ASIC2: variants seen among roughly 807,000 people sequenced by gnomAD.
ASIC2 encodes acid sensing ion channel subunit 2, also known as acid-sensing ion channel 2.
A neutral mutation model predicts 57.3 loss-of-function variants in ASIC2; 25 were observed. The ratio of observed to expected loss-of-function variants is 0.44; its 90% CI spans 0.32 to 0.61. The LOEUF (loss-of-function observed/expected upper bound fraction) is 0.61. ASIC2 is among the 20% of genes least tolerant of loss of function. ASIC2 has a pLI of 0.06. For missense variants in ASIC2, 641 were observed against 738.1 expected (o/e 0.87, Z 1.52); for synonymous variants, 319 against 307.5 (o/e 1.04, Z -0.39).
chr17:33,485,745 A>T (rs1407341517), intron 1 of ASIC2, among the ~76,000 whole-genome samples: 1 of 152,180 alleles, frequency 6.6e-6, no homozygotes, highest in African/African-American at 2.4e-5. Flanking sequence ...AGTACAAGAG[A>T]ACTCAGGAAC....
chr17:33,908,270 CA>C (rs1446322691), intron 1 of ASIC2, among the ~76,000 whole-genome samples: 1 of 152,212 alleles, frequency 6.6e-6, no homozygotes, highest in African/African-American at 2.4e-5. Context: ...AAAGCTGGAA[CA>C]ACCAGTTTCT....
intron 1 of ASIC2, among the ~76,000 whole-genome samples, chr17:33,800,481 T>A (rs1597881532): frequency 1.3e-5 from 2 of 152,194 alleles, no homozygotes; most frequent in Admixed American, 1.3e-4. Context: ...ACAGAAGAGA[T>A]GAGAAATAAC....
chr17:33,254,471 A>T (rs1047588892), intron 1 of ASIC2, among the ~76,000 whole-genome samples: 76 of 151,950 alleles, frequency 5.0e-4, no homozygotes, highest in Non-Finnish European at 1.0e-3. Flanking sequence ...GCTACCCCAA[A>T]CCAATAGGCT....
intron 1 of ASIC2, among the ~76,000 whole-genome samples, chr17:33,118,673 G>A (rs926521902): frequency 3.9e-5 from 6 of 152,130 alleles, no homozygotes; most frequent in African/African-American, 1.2e-4. Context: ...TTCTTATTTT[G>A]CACCTGGGGA....
intron 9 of ASIC2, among the ~76,000 whole-genome samples, chr17:33,015,271 C>T (rs1294383849): frequency 6.6e-6 from 1 of 152,180 alleles, no homozygotes; most frequent in African/African-American, 2.4e-5. Context: ...GCTGGCGACA[C>T]CTGCACCCAT....
At chr17:33,616,417 CT>C (rs1414414831) in intron 1 of ASIC2, among the ~76,000 whole-genome samples, 1 of 152,210 alleles carries the variant, frequency 6.6e-6, no homozygotes, top group Non-Finnish European at 1.5e-5. Context: ...TGTGGCATAG[CT>C]TGGTGTTTCC....
chr17:34,149,894 A>T (rs549997955), intron 1 of ASIC2, among the ~76,000 whole-genome samples: 1 of 152,202 alleles, frequency 6.6e-6, no homozygotes, highest in African/African-American at 2.4e-5. Context: ...CTGGGTATAT[A>T]TCCAAAGGAA....
intron 1 of ASIC2, among the ~76,000 whole-genome samples, chr17:33,159,416 C>T (rs989722894): frequency 2.6e-5 from 4 of 152,028 alleles, no homozygotes; most frequent in African/African-American, 7.2e-5. Flanking sequence ...TCTGGTGAAG[C>T]GGGCTGTGGT....
intron 1 of ASIC2, among the ~76,000 whole-genome samples, chr17:33,534,896 G>T (rs1915175642): frequency 6.6e-6 from 1 of 152,262 alleles, no homozygotes; most frequent in South Asian, 2.1e-4. Flanking sequence ...AAATCAGGAG[G>T]TTGGAATGGA....
chr17:33,356,779 C>G (rs987778178), intron 1 of ASIC2, among the ~76,000 whole-genome samples: 3 of 152,068 alleles, frequency 2.0e-5, no homozygotes, highest in Non-Finnish European at 2.9e-5. Flanking sequence ...GGAAAATGAG[C>G]TATTATTCTT....
At chr17:33,894,387 A>C (rs1473341280) in intron 1 of ASIC2, among the ~76,000 whole-genome samples, 1 of 148,240 alleles carries the variant, frequency 6.7e-6, no homozygotes, top group Non-Finnish European at 1.5e-5. Flanking sequence ...GTGTGTGTTC[A>C]TGTGCTCTCT....
intron 3 of ASIC2, among the ~76,000 whole-genome samples, chr17:33,057,440 G>A (rs1174518302): frequency 6.6e-6 from 1 of 152,238 alleles, no homozygotes; most frequent in Non-Finnish European, 1.5e-5. Flanking sequence ...CTGTCTCTAT[G>A]TGCTTGTCAT....
chr17:33,076,961 A>T (rs762846385), intron 3 of ASIC2, among the ~76,000 whole-genome samples: 2 of 152,226 alleles, frequency 1.3e-5, no homozygotes, highest in Non-Finnish European at 2.9e-5. Context: ...TAAAACTGCC[A>T]GGTTGAAGGG....
At chr17:34,075,657 T>A (rs1227576079) in intron 1 of ASIC2, among the ~76,000 whole-genome samples, 1 of 151,988 alleles carries the variant, frequency 6.6e-6, no homozygotes, top group Non-Finnish European at 1.5e-5. Context: ...CCCATCACCA[T>A]GTGATATCCC....
At chr17:33,288,935 CA>C (rs1362495031) in intron 1 of ASIC2, among the ~76,000 whole-genome samples, 2 of 152,152 alleles carry the variant, frequency 1.3e-5, no homozygotes, top group African/African-American at 4.8e-5. Flanking sequence ...GGTGCCACTC[CA>C]TCAAAGATGA....
intron 1 of ASIC2, among the ~76,000 whole-genome samples, chr17:33,999,524 T>C (rs1179735541): frequency 2.2e-4 from 34 of 152,200 alleles, no homozygotes; most frequent in Admixed American, 2.2e-3. Flanking sequence ...GTCTTATCTG[T>C]ATGTACTACA....
intron 1 of ASIC2, among the ~76,000 whole-genome samples, chr17:34,151,105 G>A (rs1418075688): frequency 9.6e-4 from 120 of 125,252 alleles, no homozygotes; most frequent in Middle Eastern, 4.1e-3. Context: ...TCCATCTCAA[G>A]AAAAAAAAAA....
chr17:33,743,401 C>G (rs1031795417), intron 1 of ASIC2, among the ~76,000 whole-genome samples: 6 of 152,234 alleles, frequency 3.9e-5, no homozygotes, highest in African/African-American at 1.2e-4. Flanking sequence ...TTCCTCTCCC[C>G]TCAGTTCCCA....
At chr17:33,066,642 G>A (rs1193067018) in intron 3 of ASIC2, among the ~76,000 whole-genome samples, 1 of 152,148 alleles carries the variant, frequency 6.6e-6, no homozygotes, top group African/African-American at 2.4e-5. Context: ...GACCTATAGA[G>A]GAAAAGTGAC....
Sources: gnomAD v4.1 joint callset for allele counts (sites outside exome capture counted in the v4.1 genomes callset) on GRCh38, gnomAD v4.1.1 for gene constraint, MANE v1.5 for transcripts, NCBI Gene and HGNC (gene_info 2026-07-23, HGNC 2026-07-21) for gene names.